Variants in DGKB observed in about 807,000 individuals in gnomAD.
DGKB encodes diacylglycerol kinase beta, also known as 90 kDa diacylglycerol kinase.
A neutral mutation model predicts 114.3 loss-of-function variants in DGKB; 67 were observed. That is an observed-to-expected ratio of 0.59 (90% CI 0.48 to 0.72). The LOEUF (loss-of-function observed/expected upper bound fraction) is 0.72, where lower values mean the gene tolerates loss of function less well. Among genes scored for constraint, DGKB ranks in the 30% least tolerant of loss-of-function variants. The probability of loss-of-function intolerance (pLI) is 0.00; values close to 1 mark genes in which losing one functional copy is unlikely to be tolerated. For missense variants in DGKB, 907 were observed against 975.2 expected (o/e 0.93, Z 0.93); for synonymous variants, 398 against 323.1 (o/e 1.23, Z -2.49).
At chr7:14,307,800 T>G (rs1804734515) in intron 23 of DGKB, among the ~76,000 whole-genome samples, 1 of 152,162 alleles carries the variant, frequency 6.6e-6, no homozygotes, top group Non-Finnish European at 1.5e-5. Context: ...AATCATAATG[T>G]CTTAGTCAAA....
At chr7:14,907,435 A>T (rs566069195), upstream of DGKB, among the ~76,000 whole-genome samples, 1 of 152,364 alleles carries the variant, frequency 6.6e-6, no homozygotes, top group South Asian at 2.1e-4. Context: ...CTATGAAATG[A>T]GGATGCCATA....
chr7:14,592,054 T>C (rs949659182), intron 17 of DGKB, among the ~76,000 whole-genome samples: 3 of 151,796 alleles, frequency 2.0e-5, no homozygotes, highest in Non-Finnish European at 2.9e-5. Context: ...AATGTGGCTG[T>C]ATGGGTTAGA....
chr7:14,468,912 T>C (rs755663852), intron 21 of DGKB, among the ~76,000 whole-genome samples: 2 of 152,048 alleles, frequency 1.3e-5, no homozygotes, highest in South Asian at 2.1e-4. Context: ...AAAGTAATAA[T>C]ACAAACCCTA....
chr7:14,486,374 A>G (rs1783810748), intron 20 of DGKB, among the ~76,000 whole-genome samples: 2 of 152,190 alleles, frequency 1.3e-5, no homozygotes, highest in African/African-American at 2.4e-5. Flanking sequence ...ACCACATAGG[A>G]TCATGCAGAA....
At position 14,478,034 on chromosome 7, in the gene DGKB, ACACACACACACG is replaced by A. The variant is rs1050064869; in HGVS notation, c.1835+115_1835+126del. ...CTACCATCTTAATATTTACACACAC[ACACACACACACG>A]CACACAAAGCCTCATAAAGCCAGTA... On this transcript the variant is annotated intron_variant, in intron 21 of 25. Transcript: ENST00000402815. The A allele has an allele frequency of 3.4e-5, 18 of 524,952 alleles. No homozygotes were observed. In the African/African-American group the frequency reaches 3.5e-4, roughly 10 times the overall value. The allele number at this position is 524,952 out of a possible 1,614,324, so 32.5% of individuals were successfully genotyped here. A position where few individuals can be genotyped will look rare whatever the true frequency, so the allele number is the denominator to read the frequency against.
intron 20 of DGKB, among the ~76,000 whole-genome samples, chr7:14,533,787 A>G (rs1791983609): frequency 6.6e-6 from 1 of 152,012 alleles, no homozygotes; most frequent in African/African-American, 2.4e-5. Context: ...TACTGAAAGC[A>G]AAAAATTGTC....
chr7:14,501,200 T>A (rs1786115820), intron 20 of DGKB, among the ~76,000 whole-genome samples: 2 of 151,876 alleles, frequency 1.3e-5, no homozygotes, highest in Non-Finnish European at 2.9e-5. Flanking sequence ...TGATTTTTGT[T>A]AAAACCTTAA....
intron 1 of DGKB, among the ~76,000 whole-genome samples, chr7:14,912,039 C>A (rs549155184): frequency 2.6e-5 from 4 of 152,262 alleles, no homozygotes; most frequent in African/African-American, 9.6e-5. Flanking sequence ...CAGTGTCCTG[C>A]GCCCTTCTTC....
chr7:14,309,603 T>C (rs551891100), intron 23 of DGKB, among the ~76,000 whole-genome samples: 1 of 152,364 alleles, frequency 6.6e-6, no homozygotes, highest in Admixed American at 6.5e-5. Flanking sequence ...AGATTTTCTC[T>C]GGGCCTGCAG....
At chr7:14,674,994 A>G (rs527533970) in intron 12 of DGKB, among the ~76,000 whole-genome samples, 42 of 152,122 alleles carry the variant, frequency 2.8e-4, no homozygotes, top group Non-Finnish European at 5.1e-4. Flanking sequence ...CGGCACTAAA[A>G]CCAAAGAGAG....
At chr7:14,495,543 A>G (rs900259324) in intron 20 of DGKB, among the ~76,000 whole-genome samples, 2 of 151,870 alleles carry the variant, frequency 1.3e-5, no homozygotes, top group African/African-American at 2.4e-5. Flanking sequence ...AAATCTACAC[A>G]TGATAATTCA....
At chr7:14,365,327 T>A (rs1473145987) in intron 21 of DGKB, among the ~76,000 whole-genome samples, 2 of 152,072 alleles carry the variant, frequency 1.3e-5, no homozygotes, top group Non-Finnish European at 2.9e-5. Flanking sequence ...TAAATGTACC[T>A]ATATCTTCTA....
chr7:14,741,215 C>T (rs553728176), intron 4 of DGKB, among the ~76,000 whole-genome samples: 1 of 152,270 alleles, frequency 6.6e-6, no homozygotes, highest in South Asian at 2.1e-4. Context: ...GGGAGGGGAA[C>T]CCAGAAGGCT....
chr7:14,734,386 C>G (rs568397500), intron 5 of DGKB, among the ~76,000 whole-genome samples: 1 of 152,134 alleles, frequency 6.6e-6, no homozygotes, highest in Non-Finnish European at 1.5e-5. Flanking sequence ...AGAGCTGGGA[C>G]TCGCTAGACT....
At chr7:14,366,468 T>G (rs1202171658) in intron 21 of DGKB, among the ~76,000 whole-genome samples, 1 of 152,170 alleles carries the variant, frequency 6.6e-6, no homozygotes, top group Admixed American at 6.6e-5. Context: ...GACATTGCTG[T>G]ATCCTGAATG....
intron 2 of DGKB, among the ~76,000 whole-genome samples, chr7:14,798,821 G>C (rs1284534246): frequency 6.6e-6 from 1 of 152,214 alleles, no homozygotes; most frequent in Non-Finnish European, 1.5e-5. Flanking sequence ...AATTGTAACA[G>C]ATATAGTCAG....
chr7:14,904,156 G>A (rs1292039492), upstream of DGKB, among the ~76,000 whole-genome samples: 2 of 152,048 alleles, frequency 1.3e-5, no homozygotes, highest in Non-Finnish European at 2.9e-5. Flanking sequence ...ATTTGCTCTA[G>A]TAATAGTCTG....
At chr7:14,838,822 C>T (rs548919307) in intron 2 of DGKB, among the ~76,000 whole-genome samples, 26 of 152,248 alleles carry the variant, frequency 1.7e-4, no homozygotes, top group Middle Eastern at 3.4e-3. Context: ...GACTCAAGTA[C>T]GGCATATTTT....
chr7:14,153,134 G>T (rs1584073498), intron 25 of DGKB, among the ~76,000 whole-genome samples: 1 of 152,132 alleles, frequency 6.6e-6, no homozygotes, highest in East Asian at 1.9e-4. Flanking sequence ...TCAGAGGGAA[G>T]AGAGATGGGT....
Sources: gnomAD v4.1 joint callset for allele counts (sites outside exome capture counted in the v4.1 genomes callset) on GRCh38, gnomAD v4.1.1 for gene constraint, MANE v1.5 for transcripts, NCBI Gene and HGNC (gene_info 2026-07-23, HGNC 2026-07-21) for gene names.